Variants in LPP observed in about 807,000 individuals in gnomAD.
LPP encodes lipoma-preferred partner.
Under a neutral mutation model 60.4 loss-of-function variants are expected in LPP, and 38 were observed. The observed-to-expected ratio is 0.63, with a 90% CI of 0.49 to 0.83. LPP has a LOEUF of 0.83. Ranked by LOEUF, LPP falls within the 40% of genes least tolerant of loss-of-function variation. The pLI is 0.00. For synonymous variants in LPP, 328 were observed against 290.8 expected (o/e 1.13, Z -1.30); for missense variants, 902 against 783.6 (o/e 1.15, Z -1.80).
chr3:188,602,164 A>AATATATATAATATAT (rs1560620365), intron 6 of LPP, among the ~76,000 whole-genome samples: 1 of 98,924 alleles, frequency 1.0e-5, no homozygotes, highest in South Asian at 2.9e-4. Flanking sequence ...ATATATATAT[A>AATATATATAATATAT]ATATATATAT....
chr3:188,863,483 C>T (rs1446949755), intron 9 of LPP, among the ~76,000 whole-genome samples: 1 of 152,162 alleles, frequency 6.6e-6, no homozygotes, highest in East Asian at 1.9e-4. Flanking sequence ...TGCCTGCTCA[C>T]CTGTGGAATG....
At chr3:188,303,744 A>C (rs528903119) in intron 2 of LPP, among the ~76,000 whole-genome samples, 1 of 152,322 alleles carries the variant, frequency 6.6e-6, no homozygotes, top group South Asian at 2.1e-4. Flanking sequence ...TTGATCTTCA[A>C]AATCACCTGT....
chr3:188,240,232 TG>T, intron 2 of LPP: 1 of 176,100 alleles, frequency 5.7e-6, no homozygotes, highest in African/African-American at 2.4e-5. Context: ...AAAATCCTTT[TG>T]GTATCAAATT....
intron 8 of LPP, among the ~76,000 whole-genome samples, chr3:188,752,831 T>G (rs539307297): frequency 3.3e-5 from 5 of 152,302 alleles, no homozygotes; most frequent in Non-Finnish European, 7.3e-5. Context: ...GTTCTCAAAC[T>G]CACATTCCTG....
chr3:188,353,822 C>T (rs138438997), intron 3 of LPP, among the ~76,000 whole-genome samples: 70 of 152,222 alleles, frequency 4.6e-4, no homozygotes, highest in East Asian at 3.1e-3. Context: ...TCTTTAATTT[C>T]CTTAATTTGA....
At chr3:188,511,888 G>A (rs1399598176) in intron 5 of LPP, among the ~76,000 whole-genome samples, 1 of 152,166 alleles carries the variant, frequency 6.6e-6, no homozygotes, top group Non-Finnish European at 1.5e-5. Context: ...GCAGTGGACT[G>A]GGTAGCTGCC....
At chr3:188,342,563 TTG>T (rs1763329591) in intron 3 of LPP, among the ~76,000 whole-genome samples, 2 of 152,344 alleles carry the variant, frequency 1.3e-5, no homozygotes, top group African/African-American at 4.8e-5. Flanking sequence ...AATAGTAACT[TTG>T]TAGAAGATTT....
At chr3:188,429,215 G>A (rs774198559) in intron 4 of LPP, among the ~76,000 whole-genome samples, 7 of 151,826 alleles carry the variant, frequency 4.6e-5, no homozygotes, top group Admixed American at 2.6e-4. Context: ...TTATTAAGAG[G>A]GCCCAGTTCA....
intron 9 of LPP, among the ~76,000 whole-genome samples, chr3:188,801,194 C>T (rs966539977): frequency 2.0e-5 from 3 of 152,150 alleles, no homozygotes; most frequent in African/African-American, 7.2e-5. Context: ...TAGATTTTGT[C>T]ATAAAGTCAT....
intron 2 of LPP, among the ~76,000 whole-genome samples, chr3:188,263,593 C>T (rs895513525): frequency 1.3e-5 from 2 of 152,200 alleles, no homozygotes; most frequent in African/African-American, 4.8e-5. Context: ...GGTTGCTGCA[C>T]CTCCCTGCTC....
intron 1 of LPP, among the ~76,000 whole-genome samples, chr3:188,155,464 A>G (rs1715985766): frequency 6.6e-6 from 1 of 152,216 alleles, no homozygotes. Context: ...ATTTTAAGAA[A>G]GCCTAAAGTG....
intron 2 of LPP, among the ~76,000 whole-genome samples, chr3:188,321,101 T>C (rs539513312): frequency 2.6e-5 from 4 of 152,310 alleles, no homozygotes; most frequent in African/African-American, 9.6e-5. Context: ...GAGAAACACT[T>C]TGCAGTATTG....
chr3:188,484,664 C>T lies in LPP; in HGVS notation c.266C>T (p.Pro89Leu). The change falls in exon 5 of 12, where the codon CCT becomes CTT. Residue 89 changes from proline (P) to leucine (L), a missense_variant. Transcript: ENST00000617246. The stretch of plus-strand genomic sequence containing the variant: ...CTTCCATCTATCTCTGGAAACTTTC[C>T]TCCTCCACCACCTCTTGATGAAGAG... ...SALPSISGNF[P>L]PPPPLDEEAF... 6.2e-7 allele frequency: 1 copy of T among 1,613,856 alleles called. No homozygotes were observed. Among genetic ancestry groups the T allele is most frequent in the East Asian group, 2.2e-5 (1 of 44,856 alleles).
chr3:188,700,366 G>A (rs1864155171), intron 7 of LPP, among the ~76,000 whole-genome samples: 1 of 152,144 alleles, frequency 6.6e-6, no homozygotes, highest in Admixed American at 6.5e-5. Flanking sequence ...AACTCAGGGG[G>A]CTGACATTGC....
At chr3:188,521,840 A>G (rs1818958741) in intron 5 of LPP, among the ~76,000 whole-genome samples, 1 of 152,190 alleles carries the variant, frequency 6.6e-6, no homozygotes, top group Admixed American at 6.5e-5. Context: ...AATATATTGG[A>G]CTATCTAAGA....
At chr3:188,544,912 T>C (rs1826146030) in intron 6 of LPP, among the ~76,000 whole-genome samples, 1 of 23,540 alleles carries the variant, frequency 4.2e-5, no homozygotes, top group African/African-American at 1.9e-4. Context: ...CACCATGGAA[T>C]ACTATGCAGC....
At chr3:188,448,429 G>A (rs78592121) in intron 4 of LPP, among the ~76,000 whole-genome samples, 17 of 131,418 alleles carry the variant, frequency 1.3e-4, no homozygotes, top group African/African-American at 4.8e-4. Context: ...TTTAGATAAA[G>A]ATATCTATAT....
At chr3:188,854,929 T>C (rs1204533048) in intron 9 of LPP, among the ~76,000 whole-genome samples, 1 of 152,192 alleles carries the variant, frequency 6.6e-6, no homozygotes, top group Non-Finnish European at 1.5e-5. Flanking sequence ...AGTCTCTGCT[T>C]GCAGATCTTG....
At chr3:188,503,497 C>G (rs1186967587) in intron 5 of LPP, among the ~76,000 whole-genome samples, 1 of 152,108 alleles carries the variant, frequency 6.6e-6, no homozygotes, top group African/African-American at 2.4e-5. Flanking sequence ...TTATAAGCGT[C>G]TGCCTATTTG....
Sources: allele counts gnomAD v4.1 joint callset (sites outside exome capture counted in the v4.1 genomes callset), GRCh38; gene constraint gnomAD v4.1.1; transcripts MANE v1.5; gene names NCBI Gene and HGNC (gene_info 2026-07-23, HGNC 2026-07-21).